TXLNB: variants seen among roughly 807,000 people sequenced by gnomAD.
TXLNB encodes taxilin beta.
In TXLNB, 37 loss-of-function variants were observed where a neutral mutation model predicts 57.4. That is an observed-to-expected ratio of 0.64 (90% CI 0.50 to 0.85). TXLNB has a LOEUF of 0.85. Among genes scored for constraint, TXLNB ranks in the 40% least tolerant of loss-of-function variants. The pLI is 0.00. For missense variants in TXLNB, 848 were observed against 825.6 expected (o/e 1.03, Z -0.33); for synonymous variants, 302 against 309.6 (o/e 0.98, Z 0.26).
At chr6:139,297,849 C>G in the TXLNB span, among the ~76,000 whole-genome samples, 28 of 152,148 alleles carry the variant, frequency 1.8e-4, no homozygotes, top group African/African-American at 6.5e-4. Flanking sequence ...TCTATTGTAT[C>G]ATCTCTTGGT....
At chr6:139,238,542 C>A (rs1267284177), downstream of TXLNB, among the ~76,000 whole-genome samples, 1 of 152,132 alleles carries the variant, frequency 6.6e-6, no homozygotes, top group Non-Finnish European at 1.5e-5. Context: ...ATTTGTAGAA[C>A]TTTTATCAAG....
At chr6:139,169,642 G>T in the TXLNB span, 1 of 152,192 alleles carries the variant, frequency 6.6e-6, no homozygotes, top group Non-Finnish European at 1.5e-5. Flanking sequence ...TGTTAGGTTG[G>T]CTTAGGGGGC....
chr6:139,323,282 GT>G, the TXLNB span, among the ~76,000 whole-genome samples: 360 of 134,456 alleles, frequency 2.7e-3, no homozygotes, highest in South Asian at 0.016. Context: ...AATTTGTTTA[GT>G]TTTTTTTTTT....
intron 6 of TXLNB, among the ~76,000 whole-genome samples, chr6:139,259,622 G>A (rs1246385383): frequency 1.3e-5 from 2 of 152,124 alleles, no homozygotes; most frequent in African/African-American, 4.8e-5. Context: ...TACTTCCTTA[G>A]TAGTGGTGAT....
intron 1 of TXLNB, among the ~76,000 whole-genome samples, chr6:139,290,690 G>A (rs768266982): frequency 6.6e-6 from 1 of 152,290 alleles, no homozygotes; most frequent in Non-Finnish European, 1.5e-5. Flanking sequence ...AGTTGCAATA[G>A]ATTTGGTTTA....
intron 3 of TXLNB, among the ~76,000 whole-genome samples, chr6:139,273,491 T>C (rs1415630674): frequency 2.0e-5 from 3 of 152,270 alleles, no homozygotes; most frequent in Admixed American, 2.0e-4. Context: ...AGACAGCGTC[T>C]TGCTCAGTCA....
At chr6:139,235,601 G>C (rs543001448), downstream of TXLNB, among the ~76,000 whole-genome samples, 11 of 152,240 alleles carry the variant, frequency 7.2e-5, no homozygotes, top group East Asian at 2.1e-3. Context: ...GATCACAGGG[G>C]TGGTTTCCCC....
chr6:139,170,581 G>A, the TXLNB span: 1 of 152,318 alleles, frequency 6.6e-6, no homozygotes, highest in Admixed American at 6.6e-5. Flanking sequence ...GCAAAGGAAG[G>A]GTGGTTAAAA....
the TXLNB span, among the ~76,000 whole-genome samples, chr6:139,217,638 G>A: frequency 6.6e-6 from 1 of 152,064 alleles, no homozygotes; most frequent in Non-Finnish European, 1.5e-5. Context: ...GGAGGCCAAG[G>A]AGGGCAGATC....
the TXLNB span, among the ~76,000 whole-genome samples, chr6:139,176,663 G>C: frequency 2.0e-5 from 3 of 152,186 alleles, no homozygotes; most frequent in African/African-American, 7.2e-5. This position sits in a 1 kb window ranked among gnomAD's most constrained non-coding sequence, Gnocchi z 4.5. Context: ...TAAAATCCAG[G>C]GGGAGGGGTT....
chr6:139,300,480 G>A, the TXLNB span, among the ~76,000 whole-genome samples: 1 of 152,108 alleles, frequency 6.6e-6, no homozygotes, highest in African/African-American at 2.4e-5. Context: ...ATGGTGAGGG[G>A]ATGCCTAGGC....
the TXLNB span, among the ~76,000 whole-genome samples, chr6:139,315,591 A>T: frequency 7.9e-5 from 12 of 152,278 alleles, no homozygotes; most frequent in African/African-American, 2.9e-4. Context: ...AGAAACAATT[A>T]TTTGAATACA....
intron 6 of TXLNB, among the ~76,000 whole-genome samples, chr6:139,257,527 T>C (rs1274671782): frequency 6.6e-6 from 1 of 152,204 alleles, no homozygotes; most frequent in African/African-American, 2.4e-5. Flanking sequence ...GGGGCAAATT[T>C]TGTAGCCCTT....
chr6:139,276,596 C>T (rs1041913383), intron 3 of TXLNB, among the ~76,000 whole-genome samples: 3 of 152,166 alleles, frequency 2.0e-5, no homozygotes, highest in Non-Finnish European at 4.4e-5. Flanking sequence ...ATGGGCATTC[C>T]TTCAAAAGAA....
chr6:139,167,344 T>C, the TXLNB span: 1 of 1,514,234 alleles, frequency 6.6e-7, no homozygotes, highest in South Asian at 1.2e-5. Flanking sequence ...TTAATTCACC[T>C]TGCCTGCTTT....
chr6:139,287,428 A>C (rs1777202093), intron 2 of TXLNB: 1 of 152,240 alleles, frequency 6.6e-6, no homozygotes, highest in Admixed American at 6.5e-5. Context: ...TTGGGTTTAC[A>C]GATAGTCTGG....
At chr6:139,269,284 T>C (rs1776698810) in intron 4 of TXLNB, 1 of 152,244 alleles carries the variant, frequency 6.6e-6, no homozygotes, top group African/African-American at 2.4e-5. Flanking sequence ...TGATAAATGA[T>C]CCCACCCTAT....
Position 139,283,058 on chromosome 6 carries a change from A to T in TXLNB, c.424+5418T>A, listed in dbSNP as rs904996128. On this transcript the variant is annotated intron_variant, in intron 2 of 9. Transcript: ENST00000358430. ...GGGATACTTTAGATGTGAACTTGGC[A>T]TGGTGCCGCATAATGGGAAATCTGT... 3.4e-5 allele frequency: 5 copies of T among 145,428 alleles called. 1 individual carries two copies. The highest frequency in any genetic ancestry group is 1.4e-4 in the Admixed American group (2 of 14,814). 9.0% of individuals were successfully genotyped at this position (145,428 alleles called of 1,614,324 possible).
chr6:139,191,838 G>C, the TXLNB span, among the ~76,000 whole-genome samples: 4 of 152,100 alleles, frequency 2.6e-5, no homozygotes, highest in Admixed American at 1.3e-4. Flanking sequence ...AGACAGAATG[G>C]AAAAGGGCGC....
Sources: gnomAD v4.1 joint callset for allele counts (sites outside exome capture counted in the v4.1 genomes callset) on GRCh38, gnomAD v4.1.1 for gene constraint, Gnocchi (gnomAD v3.1) non-coding constraint, MANE v1.5 for transcripts, NCBI Gene and HGNC (gene_info 2026-07-23, HGNC 2026-07-21) for gene names.